The following AASDHPPT variants were observed in gnomAD, a reference collection of about 807,000 sequenced individuals.
The protein encoded by AASDHPPT is aminoadipate-semialdehyde dehydrogenase-phosphopantetheinyl transferase.
Under a neutral mutation model 36.4 loss-of-function variants are expected in AASDHPPT, and 23 were observed. That is an observed-to-expected ratio of 0.63 (90% CI 0.45 to 0.89). AASDHPPT has a LOEUF of 0.89. Among genes scored for constraint, AASDHPPT ranks in the 40% least tolerant of loss-of-function variants. The pLI, the probability that AASDHPPT is intolerant of heterozygous loss-of-function variation, is 0.00. For synonymous variants in AASDHPPT, 115 were observed against 128.0 expected, an observed-to-expected ratio of 0.90 and a Z score of 0.68; for missense variants, 377 against 378.2, an observed-to-expected ratio of 1.00 and a Z score of 0.03.
chr11:106,096,883 A>G lies in AASDHPPT; in HGVS notation c.906A>G (p.Pro302=). ...WDCFCFTEEI[P]IRNGTKS is the part of the protein sequence containing the mutation. Reference sequence around the variant, plus strand: ...GTTTTTGCTTCACAGAAGAAATTCCAATACGAAATGGTACAAAGTCATGAT... The same window carrying G: ...GTTTTTGCTTCACAGAAGAAATTCCGATACGAAATGGTACAAAGTCATGAT... Residue 302 remains proline, a synonymous_variant, in exon 6 of 6, where the codon CCA becomes CCG. Transcript: ENST00000278618. 6 of 1,609,818 alleles carry G rather than the reference A, an allele frequency of 3.7e-6. No homozygotes were observed. Among genetic ancestry groups the G allele is most frequent in the Non-Finnish European group, 5.1e-6 (6 of 1,178,456 alleles).
chr11:106,084,978 T>C (rs145819585), intron 2 of AASDHPPT, among the ~76,000 whole-genome samples: 110 of 152,294 alleles, frequency 7.2e-4, no homozygotes, highest in African/African-American at 2.5e-3. Flanking sequence ...AAATTCTGTA[T>C]TGGATGTAAT....
chr11:106,085,683 T>TA (rs1485635791), intron 2 of AASDHPPT, among the ~76,000 whole-genome samples: 3 of 152,222 alleles, frequency 2.0e-5, no homozygotes, highest in Non-Finnish European at 4.4e-5. Context: ...CAAAAGAAGA[T>TA]ACACATTTAA....
At chr11:106,089,550 C>G (rs1380226437) in intron 2 of AASDHPPT, 1 of 151,774 alleles carries the variant, frequency 6.6e-6, no homozygotes, top group Non-Finnish European at 1.5e-5. Context: ...TCTGATAGGC[C>G]CATTAGGCTG....
intron 5 of AASDHPPT, among the ~76,000 whole-genome samples, chr11:106,095,034 G>A (rs550769736): frequency 2.3e-4 from 35 of 152,226 alleles, no homozygotes; most frequent in African/African-American, 8.2e-4. Context: ...TCTGAGACAG[G>A]AGAATCGCTT....
rs1861321387 is a variant in AASDHPPT at position 106,096,963 on chromosome 11, T to C, written c.*56T>C. 1.0e-5 allele frequency: 15 copies of C among 1,467,998 alleles called. No individual in the cohort carries two copies. In the South Asian group the frequency reaches 2.0e-4, roughly 19 times the overall value. 90.9% of individuals were successfully genotyped at this position (1,467,998 alleles called of 1,614,324 possible). A position where few individuals can be genotyped will look rare whatever the true frequency, so the allele number is the denominator to read the frequency against. ...ACTGTTTGTGATCTTCCGTATTCACTGAAAAATAAATGCTTGTTTAGTATC... is the reference window on the plus strand; with the variant it reads ...ACTGTTTGTGATCTTCCGTATTCACCGAAAAATAAATGCTTGTTTAGTATC... On this transcript the variant is annotated 3_prime_UTR_variant, in exon 6 of 6. Coordinates refer to ENST00000278618, the MANE Select transcript of AASDHPPT (RefSeq NM_015423.3).
chr11:106,084,952 C>T (rs896922348), intron 2 of AASDHPPT, among the ~76,000 whole-genome samples: 3 of 152,040 alleles, frequency 2.0e-5, no homozygotes, highest in Admixed American at 2.0e-4. Flanking sequence ...AGCTGATAGA[C>T]ATATTAATGT....
chr11:106,096,523 A>G (rs1279446477), intron 5 of AASDHPPT: 2 of 362,890 alleles, frequency 5.5e-6, no homozygotes, highest in Non-Finnish European at 9.7e-6. Context: ...GGTTTTTGTT[A>G]TATAAAAAAG....
At chr11:106,095,798 T>C (rs557745106) in intron 5 of AASDHPPT, 1 of 152,234 alleles carries the variant, frequency 6.6e-6, no homozygotes, top group Non-Finnish European at 1.5e-5. Flanking sequence ...TATCTGAAGA[T>C]GTTCTGACCC....
intron 4 of AASDHPPT, chr11:106,091,984 G>A (rs1861260945): frequency 6.6e-6 from 1 of 152,080 alleles, no homozygotes; most frequent in Admixed American, 6.6e-5. Context: ...CTAGAATTAG[G>A]GGATGAAATA....
chr11:106,091,428 A>G lies in AASDHPPT; in HGVS notation c.644A>G (p.Glu215Gly), dbSNP rs1861256121. The change falls in exon 4 of 6, where the codon GAA (glutamate) becomes GGA (glycine). Residue 215 changes from glutamate (E) to glycine (G), a missense_variant. Coordinates refer to ENST00000278618, the MANE Select transcript of AASDHPPT (RefSeq NM_015423.3). Reference protein sequence around the residue: ...LNLDIGQVYKETRLFLDGEEE... With the variant: ...LNLDIGQVYKGTRLFLDGEEE... Reference sequence around the variant, plus strand: ...TTGGATATAGGCCAAGTTTATAAAGAAACACGTTTATTCCTGGATGGAGAG... The same window carrying G: ...TTGGATATAGGCCAAGTTTATAAAGGAACACGTTTATTCCTGGATGGAGAG... 6.2e-7 allele frequency: 1 copy of G among 1,604,160 alleles called. No individual in the cohort carries two copies. Among genetic ancestry groups the G allele is most frequent in the South Asian group, 1.1e-5 (1 of 88,584 alleles).
intron 2 of AASDHPPT, among the ~76,000 whole-genome samples, chr11:106,083,848 T>C (rs111256328): frequency 2.6e-5 from 4 of 152,230 alleles, no homozygotes; most frequent in African/African-American, 9.6e-5. Context: ...GTAAATCTTT[T>C]TATGAATTCT....
Position 106,097,295 on chromosome 11 carries a change from G to T in AASDHPPT, c.*388G>T. On this transcript the variant is annotated 3_prime_UTR_variant, in exon 6 of 6. Coordinates refer to ENST00000278618, the MANE Select transcript of AASDHPPT (RefSeq NM_015423.3). The stretch of plus-strand genomic sequence containing the variant: ...CAAATGAATCCATATTGACATATTT[G>T]ATTTTTTTAAAAACATGGAAACGTA... 6.0e-6 allele frequency: 1 copy of T among 167,890 alleles called. No individual in the cohort carries two copies. The highest frequency in any genetic ancestry group is 1.3e-5 in the Non-Finnish European group (1 of 79,138). 10.4% of individuals were successfully genotyped at this position (167,890 alleles called of 1,614,324 possible). A position where few individuals can be genotyped will look rare whatever the true frequency, so the allele number is the denominator to read the frequency against.
At chr11:106,083,102 A>T (rs1479152600) in intron 2 of AASDHPPT, among the ~76,000 whole-genome samples, 2 of 151,930 alleles carry the variant, frequency 1.3e-5, no homozygotes, top group Non-Finnish European at 2.9e-5. Flanking sequence ...CTCACACATC[A>T]CTTTGTACTC....
intron 3 of AASDHPPT, 110 bp from the exon 4 acceptor site, chr11:106,091,206 A>G: frequency 1.1e-6 from 1 of 887,686 alleles, no homozygotes; most frequent in Admixed American, 2.7e-5. Flanking sequence ...TTATAGCTAT[A>G]TAGCCATAAT....
chr11:106,083,597 A>C lies in AASDHPPT; in HGVS notation c.409+3905A>C, dbSNP rs987884964. ...AAACTTGTGTTAGTCATTGTAAACT[A>C]AAAAGAGTATGGTACTAGCGAAAGA... On this transcript the variant is annotated intron_variant, in intron 2 of 5. Transcript: ENST00000278618. Among the ~76,000 whole-genome samples, 38 of 152,278 alleles carry C rather than the reference A, an allele frequency of 2.5e-4. 1 individual carries two copies. The highest frequency in any genetic ancestry group is 9.1e-4 in the African/African-American group (38 of 41,562).
intron 5 of AASDHPPT, among the ~76,000 whole-genome samples, chr11:106,096,363 T>G (rs1035921882): frequency 6.6e-6 from 1 of 152,172 alleles, no homozygotes; most frequent in Non-Finnish European, 1.5e-5. Flanking sequence ...TAGAGTAGTA[T>G]TTCACAAAAG....
At position 106,094,656 on chromosome 11, in the gene AASDHPPT, T is replaced by G; in HGVS notation, c.765+2T>G. 1 of 1,592,854 alleles carries G rather than the reference T, an allele frequency of 6.3e-7. No individual in the cohort carries two copies. The highest frequency in any genetic ancestry group is 8.5e-7 in the Non-Finnish European group (1 of 1,170,632). On this transcript the variant is annotated splice_donor_variant, in intron 5 of 5. Coordinates refer to ENST00000278618, the MANE Select transcript of AASDHPPT (RefSeq NM_015423.3). LOFTEE classifies it high-confidence loss of function. ...CCCGATGGATCTAGACATCAGGATG[T>G]AAGATTTTAGGATTTCTCTTTTTTC...
Position 106,077,889 on chromosome 11 carries a change from C to T in AASDHPPT, c.179C>T (p.Ala60Val). 6.2e-7 allele frequency: 1 copy of T among 1,614,038 alleles called. No homozygotes were observed. The highest frequency in any genetic ancestry group is 8.5e-7 in the Non-Finnish European group (1 of 1,179,922). Residue 60 changes from alanine to valine, a missense_variant, in exon 1 of 6, where the codon GCC becomes GTC. Coordinates refer to ENST00000278618, the MANE Select transcript of AASDHPPT (RefSeq NM_015423.3). ...QFVFARDAKA[A>V]MAGRLMIRKL... is the part of the protein sequence containing the mutation. The stretch of plus-strand genomic sequence containing the variant: ...GTCTTTGCCCGGGACGCTAAGGCAG[C>T]CATGGTACTACAGGTCTTTTTTGGT...
intron 1 of AASDHPPT, 77 bp from the exon 2 acceptor site, chr11:106,079,390 A>C: frequency 7.8e-7 from 1 of 1,278,584 alleles, no homozygotes. Context: ...GAAACCAAAA[A>C]AAAGTACTAT....
Sources: allele counts gnomAD v4.1 joint callset (sites outside exome capture counted in the v4.1 genomes callset), GRCh38; gene constraint gnomAD v4.1.1; transcripts MANE v1.5; gene names NCBI Gene and HGNC (gene_info 2026-07-23, HGNC 2026-07-21).